The following ABCC6 variants were observed in gnomAD, a reference collection of about 807,000 sequenced individuals.
ABCC6 encodes ATP binding cassette subfamily C member 6.
In ABCC6, 126 loss-of-function variants were observed where a neutral mutation model predicts 169.5. The ratio of observed to expected loss-of-function variants is 0.74; its 90% confidence interval spans 0.64 to 0.86. ABCC6 has a LOEUF of 0.86. Among genes scored for constraint, ABCC6 ranks in the 40% least tolerant of loss-of-function variants. The pLI, the probability that ABCC6 is intolerant of heterozygous loss-of-function variation, is 0.00. For missense variants in ABCC6, 1,733 were observed against 1,927.2 expected (o/e 0.90, Z 1.89); for synonymous variants, 752 against 814.7 (o/e 0.92, Z 1.31).
chr16:16,162,930 C>G (rs1033854656), intron 24 of ABCC6, 63 bp downstream of exon 24: 1 of 1,602,654 alleles, frequency 6.2e-7, no homozygotes, highest in Non-Finnish European at 8.5e-7. Context: ...AATATGACCT[C>G]AGGTCTCACC....
At chr16:16,172,418 G>A (rs796896104) in intron 21 of ABCC6, among the ~76,000 whole-genome samples, 17 of 109,734 alleles carry the variant, frequency 1.5e-4, no homozygotes, top group East Asian at 3.4e-4. Flanking sequence ...TGGGTGGGAT[G>A]GCTAAATGAG....
At chr16:16,181,372 A>G (rs990920235) in intron 17 of ABCC6, among the ~76,000 whole-genome samples, 1 of 146,530 alleles carries the variant, frequency 6.8e-6, no homozygotes, top group African/African-American at 2.5e-5. Context: ...AAAAAAAGAG[A>G]AAAAGCAGGT....
chr16:16,159,655 C>T (rs2046651866), intron 25 of ABCC6, 72 bp from the exon 26 acceptor site: 3 of 1,423,984 alleles, frequency 2.1e-6, no homozygotes, highest in Non-Finnish European at 2.0e-6. Context: ...CCCCTGGTTT[C>T]CCAACCTTTT....
chr16:16,209,850 C>T (rs959761613), intron 6 of ABCC6, among the ~76,000 whole-genome samples: 1 of 152,184 alleles, frequency 6.6e-6, no homozygotes, highest in African/African-American at 2.4e-5. Context: ...CCCACCTCAG[C>T]CTCCCAAAGT....
intron 27 of ABCC6, 45 bp from the exon 28 acceptor site, chr16:16,155,076 G>A: frequency 2.6e-6 from 4 of 1,534,366 alleles, no homozygotes; most frequent in Non-Finnish European, 3.5e-6. Context: ...CAGAGGGTTT[G>A]TGGGCATTTA....
In ABCC6 at chr16:16,178,951, G is replaced by A. The variant is rs149822534; in HGVS notation, c.2262C>T (p.Ser754=). The A allele has an allele frequency of 1.9e-5, 31 of 1,612,844 alleles. 1 individual carries two copies. Among genetic ancestry groups the A allele is most frequent in the South Asian group, 1.4e-4 (13 of 91,048 alleles). ...TSIGEQGMNL[S]GGQKQRLSLA... ...GGCTCAGCCGCTGCTTCTGGCCTCC[G>A]GAGAGATTCATGCCCTGTGGCCACA... Residue 754 remains serine, a synonymous_variant, in exon 18 of 31, where the codon TCC becomes TCT. Transcript: ENST00000205557.
Position 16,187,150 on chromosome 16 carries a change from A to G in ABCC6, c.1841T>C (p.Val614Ala), listed in dbSNP as rs12931472. ...FLCLEEVDPG[V>A]VDSSSSGSAA... ...GCTTCCAGAGGAACTTGAGTCTACG[A>G]CACCAGGGTCAACTTCTTCCAGGCA... The change falls in exon 14 of 31, where the codon GTC becomes GCC. Residue 614 changes from valine to alanine, a missense_variant. Physicochemically the swap from Val to Ala is moderately conservative, Grantham distance 64. Coordinates refer to ENST00000205557, the MANE Select transcript of ABCC6 (RefSeq NM_001171.6). The G allele has an allele frequency of 0.47, 757,923 of 1,612,214 alleles. 183,537 individuals are homozygous for G. The highest frequency in any genetic ancestry group is 0.51 in the Non-Finnish European group (596,459 of 1,178,918).
At chr16:16,220,914 C>T (rs1216784734) in intron 2 of ABCC6, among the ~76,000 whole-genome samples, 2 of 150,848 alleles carry the variant, frequency 1.3e-5, no homozygotes, top group Non-Finnish European at 3.0e-5. Flanking sequence ...AAAAAACAAA[C>T]AAAAAAGTAA....
At position 16,203,406 on chromosome 16, in the gene ABCC6, T is replaced by A. The variant is rs1567529654; in HGVS notation, c.998+4A>T. On this transcript the variant is annotated splice_donor_region_variant and intron_variant, in intron 8 of 30. Coordinates refer to ENST00000205557, the MANE Select transcript of ABCC6 (RefSeq NM_001171.6). ...TAGCAGGGCACTTGAGGTCTGGGACTCACCTGAGCAGCTTGGGGACAGTGA... is the reference window on the plus strand; with the variant it reads ...TAGCAGGGCACTTGAGGTCTGGGACACACCTGAGCAGCTTGGGGACAGTGA... The A allele has an allele frequency of 2.5e-6, 4 of 1,613,752 alleles. No individual in the cohort carries two copies. Among genetic ancestry groups the A allele is most frequent in the African/African-American group, 2.7e-5 (2 of 74,884 alleles).
chr16:16,207,618 C>T (rs966781632), intron 7 of ABCC6, among the ~76,000 whole-genome samples: 6 of 152,198 alleles, frequency 3.9e-5, no homozygotes, highest in African/African-American at 1.4e-4. Context: ...CACAAAATCC[C>T]GGAGTATGCA....
chr16:16,204,827 T>G (rs1341059890), intron 7 of ABCC6, among the ~76,000 whole-genome samples: 1 of 150,376 alleles, frequency 6.6e-6, no homozygotes, highest in East Asian at 1.9e-4. Flanking sequence ...TTTCTTTTTC[T>G]TTTTCTTTTC....
Position 16,150,667 on chromosome 16 carries a change from C to A in ABCC6, c.4314G>T (p.Leu1438=). 2 of 1,613,620 alleles carry A rather than the reference C, an allele frequency of 1.2e-6. No individual in the cohort carries two copies. Among genetic ancestry groups the A allele is most frequent in the South Asian group, 2.2e-5 (2 of 90,986 alleles). Residue 1438 remains leucine (L), a synonymous_variant, in exon 30 of 31, where the codon CTG becomes CTT. Transcript: ENST00000205557. ...AGCTCCCGAGCATGGCCTGCATCTG[C>A]AGCTCCGTGCCAGGGTCCACGGCAG... The part of the protein sequence containing the change: ...ATAAVDPGTE[L]QMQAMLGSWF...
chr16:16,153,585 T>C (rs1201382675), intron 29 of ABCC6, among the ~76,000 whole-genome samples: 2 of 151,992 alleles, frequency 1.3e-5, no homozygotes, highest in Non-Finnish European at 2.9e-5. Flanking sequence ...TTCTGTTGTG[T>C]AACAGTGTGA....
intron 7 of ABCC6, among the ~76,000 whole-genome samples, chr16:16,205,382 T>A (rs1307963748): frequency 6.6e-6 from 1 of 152,174 alleles, no homozygotes; most frequent in Non-Finnish European, 1.5e-5. Flanking sequence ...GTAAAGGGTT[T>A]CTTGTGCACT....
intron 22 of ABCC6, among the ~76,000 whole-genome samples, chr16:16,166,807 C>T (rs1278797405): frequency 6.6e-6 from 1 of 152,150 alleles, no homozygotes; most frequent in Non-Finnish European, 1.5e-5. Flanking sequence ...AGGAGAAACA[C>T]TGGAACCCAG....
At chr16:16,150,430 G>A (rs2046353555) in intron 30 of ABCC6, 148 bp downstream of exon 30, 3 of 1,495,154 alleles carry the variant, frequency 2.0e-6, no homozygotes, top group Non-Finnish European at 2.7e-6. Context: ...TTCCCACTTG[G>A]CATGTGTTCC....
chr16:16,222,393 T>A (rs991545190), intron 1 of ABCC6, among the ~76,000 whole-genome samples: 11 of 152,240 alleles, frequency 7.2e-5, no homozygotes, highest in Admixed American at 3.3e-4. Flanking sequence ...AATTAATTTA[T>A]GTTTTAGAGA....
chr16:16,181,845 A>G (rs2047484513), intron 17 of ABCC6: 1 of 160,986 alleles, frequency 6.2e-6, no homozygotes, highest in Admixed American at 5.9e-5. Context: ...AGGTGTGAGA[A>G]TTGCTTGAAC....
At chr16:16,204,625 C>A (rs2048336198) in intron 7 of ABCC6, among the ~76,000 whole-genome samples, 2 of 151,978 alleles carry the variant, frequency 1.3e-5, no homozygotes. Flanking sequence ...ATGGGGGAGG[C>A]CCGAGGGCCC....
Sources: allele counts gnomAD v4.1 joint callset (sites outside exome capture counted in the v4.1 genomes callset), GRCh38; gene constraint gnomAD v4.1.1; transcripts MANE v1.5; gene names NCBI Gene and HGNC (gene_info 2026-07-23, HGNC 2026-07-21).